The following SDK1 variants were observed in gnomAD, a reference collection of about 807,000 sequenced individuals.
The protein encoded by SDK1 is protein sidekick-1.
SDK1 carries 157 observed loss-of-function variants against 245.5 expected under a neutral mutation model. That is an observed-to-expected ratio of 0.64 (90% CI 0.56 to 0.73). The LOEUF is 0.73. Among genes scored for constraint, SDK1 ranks in the 30% least tolerant of loss-of-function variants. The probability of loss-of-function intolerance (pLI) is 0.00; values close to 1 mark genes in which losing one functional copy is unlikely to be tolerated. For synonymous variants in SDK1, 1,647 were observed against 1,278.5 expected (o/e 1.29, Z -6.15); for missense variants, 3,583 against 3,002.3 (o/e 1.19, Z -4.52).
At chr7:3,737,202 C>T (rs893113455) in intron 4 of SDK1, among the ~76,000 whole-genome samples, 1 of 152,218 alleles carries the variant, frequency 6.6e-6, no homozygotes, top group Non-Finnish European at 1.5e-5. Context: ...GGACCCCCTG[C>T]TGGGCAGGGC....
intron 4 of SDK1, among the ~76,000 whole-genome samples, chr7:3,727,499 C>CT (rs796141113): frequency 9.5e-4 from 144 of 151,350 alleles, no homozygotes; most frequent in African/African-American, 2.6e-3. Flanking sequence ...AGAGAATTTT[C>CT]TTTTTTTTTG....
At chr7:3,445,441 A>G (rs938246513) in intron 1 of SDK1, among the ~76,000 whole-genome samples, 1 of 152,182 alleles carries the variant, frequency 6.6e-6, no homozygotes, top group East Asian at 1.9e-4. Context: ...AGAGCAAATT[A>G]TCATCTTGAA....
At chr7:4,206,724 C>T (rs1046252045) in intron 36 of SDK1, among the ~76,000 whole-genome samples, 7 of 152,116 alleles carry the variant, frequency 4.6e-5, no homozygotes, top group African/African-American at 9.7e-5. Context: ...CATAAGCATC[C>T]GGGGTCTTTG....
intron 4 of SDK1, among the ~76,000 whole-genome samples, chr7:3,730,785 C>T (rs981297396): frequency 2.6e-5 from 4 of 152,090 alleles, no homozygotes; most frequent in Non-Finnish European, 2.9e-5. Flanking sequence ...AAGAGGGTGG[C>T]ATGGAGGGAG....
intron 4 of SDK1, among the ~76,000 whole-genome samples, chr7:3,730,221 G>T (rs377204817): frequency 5.3e-5 from 8 of 152,212 alleles, no homozygotes; most frequent in African/African-American, 1.9e-4. Flanking sequence ...AAATAGGGAA[G>T]GGCATCTCAG....
At chr7:3,383,052 A>G (rs1205455735) in intron 1 of SDK1, among the ~76,000 whole-genome samples, 1 of 152,152 alleles carries the variant, frequency 6.6e-6, no homozygotes, top group African/African-American at 2.4e-5. Flanking sequence ...CACTTTACTA[A>G]TAAAATGTTG....
intron 1 of SDK1, among the ~76,000 whole-genome samples, chr7:3,318,793 CAACA>C (rs1398597590): frequency 6.6e-6 from 1 of 152,106 alleles, no homozygotes; most frequent in East Asian, 1.9e-4. Flanking sequence ...TAGAAAAACT[CAACA>C]AAGAAGGAAT....
intron 1 of SDK1, among the ~76,000 whole-genome samples, chr7:3,358,423 T>G (rs1054885030): frequency 4.7e-5 from 6 of 126,396 alleles, no homozygotes; most frequent in African/African-American, 2.2e-4. Context: ...AGCTAATCAT[T>G]ACAACGTTTT....
chr7:3,774,854 A>G (rs1371520695), intron 4 of SDK1, among the ~76,000 whole-genome samples: 1 of 152,232 alleles, frequency 6.6e-6, no homozygotes, highest in Non-Finnish European at 1.5e-5. Context: ...AAGTCTGACA[A>G]ACCATGCTGT....
intron 1 of SDK1, among the ~76,000 whole-genome samples, chr7:3,318,952 A>G (rs1270856487): frequency 4.6e-5 from 7 of 152,236 alleles, no homozygotes; most frequent in Middle Eastern, 3.4e-3. Flanking sequence ...GCAGACGGGA[A>G]TAAATGTGGG....
chr7:4,231,290 A>T (rs1785742355), intron 40 of SDK1, among the ~76,000 whole-genome samples: 2 of 152,092 alleles, frequency 1.3e-5, no homozygotes, highest in African/African-American at 4.8e-5. Flanking sequence ...ATGGCCAGGC[A>T]TAGTGGCTCA....
At chr7:3,914,065 C>T (rs534773849) in intron 5 of SDK1, among the ~76,000 whole-genome samples, 3 of 152,256 alleles carry the variant, frequency 2.0e-5, no homozygotes, top group East Asian at 1.9e-4. Flanking sequence ...AGGTAAGGAG[C>T]GGTTATGAAG....
chr7:3,474,161 G>A (rs949383234), intron 1 of SDK1, among the ~76,000 whole-genome samples: 4 of 141,982 alleles, frequency 2.8e-5, no homozygotes, highest in African/African-American at 8.1e-5. Context: ...GGGGCGCGGT[G>A]GCTCAATCTC....
In SDK1 at chr7:3,510,388, T is replaced by C. The variant is rs776328282; in HGVS notation, c.299-108692T>C. ...GTGGCTGCTCCAAGTTTTTTAGTTATGTTCCATGTAGTTGTGAGTCACTGC... is the reference window on the plus strand; with the variant it reads ...GTGGCTGCTCCAAGTTTTTTAGTTACGTTCCATGTAGTTGTGAGTCACTGC... On this transcript the variant is annotated intron_variant, in intron 1 of 44. Coordinates refer to ENST00000404826, the MANE Select transcript of SDK1 (RefSeq NM_152744.4). 4.6e-5 allele frequency among the ~76,000 whole-genome samples: 7 copies of C among 152,234 alleles called. No homozygotes were observed. In the South Asian group the frequency reaches 1.0e-3, roughly 22 times the overall value.
intron 5 of SDK1, among the ~76,000 whole-genome samples, chr7:3,822,192 A>G (rs546768729): frequency 4.6e-5 from 7 of 152,238 alleles, no homozygotes; most frequent in Non-Finnish European, 1.0e-4. Context: ...TTAATTGCTA[A>G]AGAAGGGAAA....
rs531051222 is a variant in SDK1, at chr7:3,657,655, T to A, written c.713+15550T>A. Among the ~76,000 whole-genome samples the A allele has an allele frequency of 1.3e-5, 2 of 151,930 alleles. 1 individual carries two copies. The highest frequency in any genetic ancestry group is 4.2e-4 in the South Asian group (2 of 4,802). On this transcript the variant is annotated intron_variant, in intron 4 of 44. Coordinates refer to ENST00000404826, the MANE Select transcript of SDK1 (RefSeq NM_152744.4). ...GCCATCTGTTTGGCCTCTGAGGAGG[T>A]GTGGAAGGAGCTGGCCATCCTCAGG...
chr7:3,386,355 A>G (rs1158272535), intron 1 of SDK1, among the ~76,000 whole-genome samples: 1 of 152,312 alleles, frequency 6.6e-6, no homozygotes, highest in East Asian at 1.9e-4. Context: ...TGTAAAACAA[A>G]GATGTTGCCT....
chr7:3,627,789 C>A (rs1273508322), intron 2 of SDK1, among the ~76,000 whole-genome samples: 1 of 152,148 alleles, frequency 6.6e-6, no homozygotes, highest in African/African-American at 2.4e-5. Context: ...TTCAACTGAT[C>A]GATGAGTGCC....
intron 17 of SDK1, among the ~76,000 whole-genome samples, chr7:4,033,287 ACCCCC>A (rs1562702095): frequency 6.6e-6 from 1 of 152,164 alleles, no homozygotes; most frequent in African/African-American, 2.4e-5. Context: ...TCCATTCCCT[ACCCCC>A]ATATACAAGG....
Sources: allele counts gnomAD v4.1 joint callset (sites outside exome capture counted in the v4.1 genomes callset), GRCh38; gene constraint gnomAD v4.1.1; transcripts MANE v1.5; gene names NCBI Gene and HGNC (gene_info 2026-07-23, HGNC 2026-07-21).